Variants in MEF2A observed in about 807,000 individuals in gnomAD.
MEF2A encodes the protein myocyte-specific enhancer factor 2A.
A neutral mutation model predicts 55.8 loss-of-function variants in MEF2A; 28 were observed. The observed-to-expected ratio is 0.50, with a 90% CI of 0.37 to 0.69. The LOEUF (loss-of-function observed/expected upper bound fraction) is 0.69. MEF2A is among the 30% of genes least tolerant of loss of function. The probability of loss-of-function intolerance (pLI) is 0.00; values close to 1 mark genes in which losing one functional copy is unlikely to be tolerated. For missense variants in MEF2A, 528 were observed against 626.2 expected, an observed-to-expected ratio of 0.84 and a Z score of 1.67; for synonymous variants, 239 against 227.1, an observed-to-expected ratio of 1.05 and a Z score of -0.47.
At chr15:99,598,159 A>G (rs1971863015) in intron 1 of MEF2A, among the ~76,000 whole-genome samples, 1 of 152,232 alleles carries the variant, frequency 6.6e-6, no homozygotes, top group Non-Finnish European at 1.5e-5. Context: ...TAGGAAACCA[A>G]TTTTTGAATC....
At chr15:99,691,028 A>G (rs1040995982) in intron 8 of MEF2A, among the ~76,000 whole-genome samples, 3 of 152,038 alleles carry the variant, frequency 2.0e-5, no homozygotes, top group Non-Finnish European at 2.9e-5. Context: ...CCTGACCTGG[A>G]TCATTACGCA....
intron 1 of MEF2A, among the ~76,000 whole-genome samples, chr15:99,568,416 G>A (rs7163764): frequency 0.046 from 7,011 of 152,000 alleles, 543 homozygotes; most frequent in African/African-American, 0.16. Flanking sequence ...AAGCAATTTC[G>A]TTACAATTTG....
chr15:99,584,375 T>A (rs937884852), intron 1 of MEF2A, among the ~76,000 whole-genome samples: 3 of 152,218 alleles, frequency 2.0e-5, no homozygotes, highest in African/African-American at 7.2e-5. Context: ...TGAAAACTTG[T>A]GTACAAATGC....
chr15:99,631,530 T>G (rs1021173604), intron 2 of MEF2A, among the ~76,000 whole-genome samples: 1 of 152,202 alleles, frequency 6.6e-6, no homozygotes, highest in Admixed American at 6.5e-5. Flanking sequence ...AACCATAAAT[T>G]TAATTCAGAT....
chr15:99,669,453 A>G (rs1385494712), intron 4 of MEF2A, among the ~76,000 whole-genome samples: 1 of 152,198 alleles, frequency 6.6e-6, no homozygotes, highest in East Asian at 1.9e-4. Flanking sequence ...TAAACTTGCT[A>G]CCATGGTTGG....
Position 99,712,893 on chromosome 15 carries a change from A to G in MEF2A, c.*122A>G. The G allele has an allele frequency of 9.1e-7, 1 of 1,100,862 alleles. No homozygotes were observed. The highest frequency in any genetic ancestry group is 2.6e-5 in the East Asian group (1 of 38,040). 68.2% of individuals were successfully genotyped at this position (1,100,862 alleles called of 1,614,324 possible). Reference sequence around the variant, plus strand: ...TGTACATACATATATATATCCCTTTACATATATATGTATGTGGGTGTGAGT... The same window carrying G: ...TGTACATACATATATATATCCCTTTGCATATATATGTATGTGGGTGTGAGT... On this transcript the variant is annotated 3_prime_UTR_variant, in exon 12 of 12. Coordinates refer to ENST00000557942, the MANE Select transcript of MEF2A (RefSeq NM_001319206.4). The surrounding 1 kb of genome is among the most constrained non-coding windows in gnomAD (Gnocchi z 4.1).
At chr15:99,711,387 T>G (rs904287346) in intron 11 of MEF2A, among the ~76,000 whole-genome samples, 1 of 152,164 alleles carries the variant, frequency 6.6e-6, no homozygotes, top group African/African-American at 2.4e-5. Flanking sequence ...ATGTTCCGTA[T>G]GGGCAGGGTG....
chr15:99,597,626 C>G (rs888566362), intron 1 of MEF2A, among the ~76,000 whole-genome samples: 1 of 152,168 alleles, frequency 6.6e-6, no homozygotes, highest in Admixed American at 6.5e-5. Flanking sequence ...ACTCCCTCCC[C>G]TTTTGAAACT....
chr15:99,589,468 T>A (rs1412713052), intron 1 of MEF2A, among the ~76,000 whole-genome samples: 3 of 152,168 alleles, frequency 2.0e-5, no homozygotes. Context: ...CCAACTTTAA[T>A]TGATTTTATC....
chr15:99,678,923 C>T (rs936855479), intron 7 of MEF2A, among the ~76,000 whole-genome samples: 2 of 151,796 alleles, frequency 1.3e-5, no homozygotes, highest in East Asian at 3.9e-4. Flanking sequence ...AAAGAAAACT[C>T]GACTTTTGAA....
intron 2 of MEF2A, among the ~76,000 whole-genome samples, chr15:99,612,946 C>T (rs1322097436): frequency 1.3e-5 from 2 of 151,468 alleles, no homozygotes; most frequent in Admixed American, 1.3e-4. Flanking sequence ...CCAAGAAAGC[C>T]ATGTAATTCA....
chr15:99,690,609 T>A (rs1323130027), intron 8 of MEF2A, 181 bp downstream of exon 8: 1 of 735,118 alleles, frequency 1.4e-6, no homozygotes, highest in South Asian at 1.5e-5. Context: ...AAAATCAGAT[T>A]ATGGAAATTT....
chr15:99,588,873 A>C (rs1968319306), intron 1 of MEF2A, among the ~76,000 whole-genome samples: 2 of 151,940 alleles, frequency 1.3e-5, no homozygotes, highest in South Asian at 4.2e-4. Context: ...AATTACATTG[A>C]TTTTTGAATA....
At chr15:99,614,782 G>A (rs1185684162) in intron 2 of MEF2A, among the ~76,000 whole-genome samples, 1 of 152,154 alleles carries the variant, frequency 6.6e-6, no homozygotes, top group Non-Finnish European at 1.5e-5. Flanking sequence ...GAGCTACTGA[G>A]AGAGAGCAAG....
chr15:99,690,601 A>T, intron 8 of MEF2A, 173 bp downstream of exon 8: 1 of 748,052 alleles, frequency 1.3e-6, no homozygotes, highest in Non-Finnish European at 2.3e-6. Context: ...AATACACAAA[A>T]ATCAGATTAT....
At chr15:99,578,569 G>A (rs767117942) in intron 1 of MEF2A, among the ~76,000 whole-genome samples, 6 of 152,134 alleles carry the variant, frequency 3.9e-5, no homozygotes, top group East Asian at 1.9e-4. Flanking sequence ...CCGAGATCTG[G>A]GTACTAGGAC....
chr15:99,605,150 G>A (rs190474875), intron 2 of MEF2A, among the ~76,000 whole-genome samples: 11 of 152,268 alleles, frequency 7.2e-5, no homozygotes, highest in East Asian at 5.8e-4. Context: ...GTTTTGCCAT[G>A]CTGGCCAGGC....
rs1198858305 is a variant in MEF2A at position 99,674,471 on chromosome 15, C to G, written c.469C>G (p.Pro157Ala). The G allele has an allele frequency of 6.2e-7, 1 of 1,613,940 alleles. No homozygotes were observed. The highest frequency in any genetic ancestry group is 8.5e-7 in the Non-Finnish European group (1 of 1,179,868). The part of the protein sequence containing the change: ...TSPNALSYTN[P>A]GSSLVSPSLA... ...CCCCAATGCTTTGTCCTACACTAAC[C>G]CAGGGAGTTCACTGGTGTCCCCATC... Residue 157 changes from proline (P) to alanine (A), a missense_variant, in exon 6 of 12, where the codon CCA (proline) becomes GCA (alanine). Physicochemically the swap from Pro to Ala is conservative, Grantham distance 27. Around this residue, in one of 2 missense-constraint regions of MEF2A, gnomAD observed 450 missense variants for 475.3 expected, o/e 0.95. Coordinates refer to ENST00000557942, the MANE Select transcript of MEF2A (RefSeq NM_001319206.4).
chr15:99,607,744 T>A (rs1274005442), intron 2 of MEF2A, among the ~76,000 whole-genome samples: 1 of 152,216 alleles, frequency 6.6e-6, no homozygotes, highest in Non-Finnish European at 1.5e-5. Flanking sequence ...ATTTCTCTTT[T>A]GTGTCCCATG....
Sources: gnomAD v4.1 joint callset for allele counts (sites outside exome capture counted in the v4.1 genomes callset) on GRCh38, gnomAD v4.1.1 for gene constraint, gnomAD v4.1.1 regional missense constraint, Gnocchi (gnomAD v3.1) non-coding constraint, MANE v1.5 for transcripts, NCBI Gene and HGNC (gene_info 2026-07-23, HGNC 2026-07-21) for gene names.